Variants in ANKRD10 observed in about 807,000 individuals in gnomAD.
The protein encoded by ANKRD10 is ankyrin repeat domain-containing protein 10.
ANKRD10 carries 14 observed loss-of-function variants against 27.0 expected under a neutral mutation model. The observed-to-expected ratio is 0.52, with a 90% CI of 0.34 to 0.81. The LOEUF is 0.81. Among genes scored for constraint, ANKRD10 ranks in the 40% least tolerant of loss-of-function variants. ANKRD10 has a pLI of 0.01. For missense variants in ANKRD10, 493 were observed against 544.0 expected (o/e 0.91, Z 0.93); for synonymous variants, 250 against 224.5 (o/e 1.11, Z -1.01).
chr13:110,884,407 G>A lies in ANKRD10; in HGVS notation c.692-614C>T, dbSNP rs550406377. Among the ~76,000 whole-genome samples the A allele has an allele frequency of 2.0e-5, 3 of 152,058 alleles. No individual in the cohort carries two copies. The South Asian group carries it at 6.2e-4, about 32-fold the overall frequency. ...ACCATTCTCTGTACTGTGGAGATGC[G>A]AATGCCCCATGTCATACCCACGCTG... On this transcript the variant is annotated intron_variant, in intron 4 of 5. Transcript: ENST00000267339.
At chr13:110,897,939 T>C (rs2138854988) in intron 3 of ANKRD10, among the ~76,000 whole-genome samples, 2 of 152,362 alleles carry the variant, frequency 1.3e-5, no homozygotes, top group South Asian at 4.1e-4. Context: ...TTAGAACGAA[T>C]ATTTCTCCTC....
At chr13:110,883,903 CATA>C (rs1440092641) in intron 4 of ANKRD10, 110 bp from the exon 5 acceptor site, 4 of 737,282 alleles carry the variant, frequency 5.4e-6, no homozygotes, top group African/African-American at 3.7e-5. Context: ...TAAACAATCA[CATA>C]AAAAAAAATC....
chr13:110,897,885 T>C (rs1313518483), intron 3 of ANKRD10, among the ~76,000 whole-genome samples: 1 of 152,250 alleles, frequency 6.6e-6, no homozygotes, highest in East Asian at 1.9e-4. Flanking sequence ...TAACTGTCAT[T>C]CTAACGGGGG....
chr13:110,892,736 A>C, intron 4 of ANKRD10: 1 of 1,071,374 alleles, frequency 9.3e-7, no homozygotes, highest in Non-Finnish European at 1.1e-6. Context: ...TATTTCAAAC[A>C]GATACAACAA....
intron 5 of ANKRD10, among the ~76,000 whole-genome samples, chr13:110,880,610 T>C (rs2064797340): frequency 6.6e-6 from 1 of 152,146 alleles, no homozygotes; most frequent in South Asian, 2.1e-4. Flanking sequence ...GAACTATGTA[T>C]GACAGCATCA....
At chr13:110,889,366 A>C (rs2065016850) in intron 4 of ANKRD10, among the ~76,000 whole-genome samples, 1 of 152,232 alleles carries the variant, frequency 6.6e-6, no homozygotes, top group Non-Finnish European at 1.5e-5. Context: ...ACTTTCCATC[A>C]AAACAGACTG....
At position 110,880,012 on chromosome 13, in the gene ANKRD10, T is replaced by C. The variant is rs1222948713; in HGVS notation, c.888A>G (p.Glu296=). The stretch of plus-strand genomic sequence containing the variant: ...CTGTCAAGCACTGGCCATTCCTGCT[T>C]TCCATCCCACTGAGCGGGGTCGTGG... ...FPSTTPLSGM[E]SRNGQCLTGT... is the part of the protein sequence containing the mutation. Residue 296 remains glutamate, a synonymous_variant, in exon 6 of 6, where the codon GAA becomes GAG. Coordinates refer to ENST00000267339, the MANE Select transcript of ANKRD10 (RefSeq NM_017664.4). 8 of 1,614,214 alleles carry C rather than the reference T, an allele frequency of 5.0e-6. No homozygotes were observed. In the East Asian group the frequency reaches 1.6e-4, roughly 31 times the overall value.
chr13:110,913,072 T>A (rs1394502690), intron 1 of ANKRD10, among the ~76,000 whole-genome samples: 2 of 152,224 alleles, frequency 1.3e-5, no homozygotes, highest in Non-Finnish European at 2.9e-5. Flanking sequence ...AAATACACAT[T>A]AAAAATTACC....
Position 110,879,422 on chromosome 13 carries a change from G to C in ANKRD10, c.*215C>G. The C allele has an allele frequency of 1.9e-6, 1 of 538,192 alleles. No homozygotes were observed. Among genetic ancestry groups the C allele is most frequent in the South Asian group, 2.8e-5 (1 of 36,196 alleles). The allele number at this position is 538,192 out of a possible 1,614,324, so 33.3% of individuals were successfully genotyped here. A position where few individuals can be genotyped will look rare whatever the true frequency, so the allele number is the denominator to read the frequency against. On this transcript the variant is annotated 3_prime_UTR_variant, in exon 6 of 6. Coordinates refer to ENST00000267339, the MANE Select transcript of ANKRD10 (RefSeq NM_017664.4). ...ACTCCAAAAGTGCACCTTATAAAAA[G>C]GACACCTCACTGTAGAAACATCTAT...
chr13:110,880,802 C>CG (rs1282992033), intron 5 of ANKRD10, among the ~76,000 whole-genome samples: 5 of 152,080 alleles, frequency 3.3e-5, no homozygotes, highest in Non-Finnish European at 7.4e-5. Context: ...ACAGAGAGAC[C>CG]GGCGACCACA....
rs753327697 is a variant in ANKRD10, at chr13:110,910,780, CAA to C, written c.211-12_211-11del. 21 of 1,611,136 alleles carry C rather than the reference CAA, an allele frequency of 1.3e-5. No homozygotes were observed. In the Admixed American group the frequency reaches 2.0e-4, roughly 16 times the overall value. ...GCACTAAGCACTCCAACTTCGAAAACAAGAGGGGTAATGAAAACACGCAGACA... is the reference window on the plus strand; with the variant it reads ...GCACTAAGCACTCCAACTTCGAAAACGAGGGGTAATGAAAACACGCAGACA... On this transcript the variant is annotated splice_polypyrimidine_tract_variant and intron_variant, in intron 1 of 5. Coordinates refer to ENST00000267339, the MANE Select transcript of ANKRD10 (RefSeq NM_017664.4).
intron 1 of ANKRD10, among the ~76,000 whole-genome samples, chr13:110,913,897 G>A (rs1280024504): frequency 6.6e-6 from 1 of 152,198 alleles, no homozygotes; most frequent in Non-Finnish European, 1.5e-5. Context: ...TGAGGAAACG[G>A]TAGCTATCCA....
chr13:110,902,143 G>GC (rs2065402785), intron 3 of ANKRD10, among the ~76,000 whole-genome samples: 1 of 150,562 alleles, frequency 6.6e-6, no homozygotes, highest in Non-Finnish European at 1.5e-5. Context: ...TGAATTCAGA[G>GC]TCATAATTCT....
intron 1 of ANKRD10, among the ~76,000 whole-genome samples, 166 bp from the exon 2 acceptor site, chr13:110,910,936 A>T (rs1207799105): frequency 6.6e-6 from 1 of 152,256 alleles, no homozygotes; most frequent in Non-Finnish European, 1.5e-5. Flanking sequence ...AAGGACATTT[A>T]AGATAACATA....
intron 3 of ANKRD10, among the ~76,000 whole-genome samples, chr13:110,896,455 C>A (rs1163963063): frequency 1.3e-5 from 2 of 152,200 alleles, no homozygotes. Flanking sequence ...CATCTCTTGC[C>A]CCTGAAAGTC....
At chr13:110,886,177 T>C (rs2064926256) in intron 4 of ANKRD10, among the ~76,000 whole-genome samples, 1 of 152,188 alleles carries the variant, frequency 6.6e-6, no homozygotes, top group Non-Finnish European at 1.5e-5. Flanking sequence ...AAGAGCCGCG[T>C]TAAGGGCAGC....
intron 3 of ANKRD10, among the ~76,000 whole-genome samples, chr13:110,896,767 C>T (rs905437113): frequency 6.6e-5 from 10 of 152,168 alleles, no homozygotes; most frequent in African/African-American, 2.2e-4. Context: ...AACACTGAAA[C>T]TGAAATTTCA....
chr13:110,890,216 T>C (rs781186420), intron 4 of ANKRD10, among the ~76,000 whole-genome samples: 5 of 152,148 alleles, frequency 3.3e-5, no homozygotes, highest in Admixed American at 1.3e-4. Context: ...TCAGTTAATA[T>C]GGAAATAATT....
At chr13:110,910,533 C>T (rs977255837) in intron 2 of ANKRD10, 85 bp downstream of exon 2, 4 of 1,503,548 alleles carry the variant, frequency 2.7e-6, no homozygotes, top group Non-Finnish European at 3.6e-6. Flanking sequence ...CTAATTAAGG[C>T]CTCGATTTAA....
Sources: allele counts gnomAD v4.1 joint callset (sites outside exome capture counted in the v4.1 genomes callset), GRCh38; gene constraint gnomAD v4.1.1; transcripts MANE v1.5; gene names NCBI Gene and HGNC (gene_info 2026-07-23, HGNC 2026-07-21).